Variants in PPP2R2B observed in about 807,000 individuals in gnomAD.
PPP2R2B encodes the protein serine/threonine-protein phosphatase 2A 55 kDa regulatory subunit B beta isoform.
In PPP2R2B, 5 loss-of-function variants were observed where a neutral mutation model predicts 46.0. That is an observed-to-expected ratio of 0.11 (90% CI 0.06 to 0.23). PPP2R2B has a LOEUF of 0.23. PPP2R2B is among the 10% of genes least tolerant of loss of function. PPP2R2B has a pLI of 1.00. For synonymous variants in PPP2R2B, 215 were observed against 206.7 expected, an observed-to-expected ratio of 1.04 and a Z score of -0.34; for missense variants, 367 against 575.0, an observed-to-expected ratio of 0.64 and a Z score of 3.70.
intron 5 of PPP2R2B, among the ~76,000 whole-genome samples, chr5:146,655,056 C>T (rs1776231160): frequency 6.6e-6 from 1 of 152,148 alleles, no homozygotes; most frequent in Admixed American, 6.5e-5. Flanking sequence ...GCGGTCAGTC[C>T]TTGGCCTGTC....
intron 2 of PPP2R2B, among the ~76,000 whole-genome samples, chr5:146,716,500 G>A (rs3853435): frequency 0.19 from 29,356 of 151,994 alleles, 2,951 homozygotes; most frequent in East Asian, 0.36. Flanking sequence ...AGGAGATCTC[G>A]GACATCTTTG....
intron 1 of PPP2R2B, among the ~76,000 whole-genome samples, chr5:147,018,678 G>A (rs1175232976): frequency 6.6e-6 from 1 of 152,160 alleles, no homozygotes; most frequent in Non-Finnish European, 1.5e-5. Flanking sequence ...CAGAGTTGGT[G>A]TTGTGTTAGT....
intron 2 of PPP2R2B, among the ~76,000 whole-genome samples, chr5:146,754,519 C>T (rs1303046083): frequency 6.6e-6 from 1 of 152,220 alleles, no homozygotes; most frequent in Non-Finnish European, 1.5e-5. Context: ...TTCTTCGATA[C>T]TCTTTCCCTT....
chr5:146,752,819 C>G (rs1486615271), intron 2 of PPP2R2B, among the ~76,000 whole-genome samples: 1 of 152,108 alleles, frequency 6.6e-6, no homozygotes, highest in African/African-American at 2.4e-5. Flanking sequence ...CCTGGCAGAG[C>G]CATAGTAAAT....
intron 2 of PPP2R2B, among the ~76,000 whole-genome samples, chr5:146,729,576 G>T (rs1313584937): frequency 6.6e-6 from 1 of 152,206 alleles, no homozygotes; most frequent in Non-Finnish European, 1.5e-5. Context: ...GGAAAAAGTG[G>T]TTTCCAGGAC....
At chr5:146,726,160 C>T (rs976157599) in intron 2 of PPP2R2B, among the ~76,000 whole-genome samples, 7 of 152,122 alleles carry the variant, frequency 4.6e-5, no homozygotes, top group African/African-American at 1.2e-4. Flanking sequence ...AAAAAGCAGG[C>T]ACCATCCTCT....
At chr5:146,706,630 C>A in intron 2 of PPP2R2B, 3 of 810,334 alleles carry the variant, frequency 3.7e-6, no homozygotes, top group Non-Finnish European at 2.1e-6. Context: ...GCGATGCCGG[C>A]CTCCAGGGAA....
At chr5:146,743,137 C>T (rs768846559) in intron 2 of PPP2R2B, among the ~76,000 whole-genome samples, 2 of 152,114 alleles carry the variant, frequency 1.3e-5, no homozygotes, top group African/African-American at 2.4e-5. Flanking sequence ...CAAACCAGGT[C>T]CTATGGTAAG....
At chr5:146,903,180 G>T (rs1392450727) in intron 1 of PPP2R2B, among the ~76,000 whole-genome samples, 2 of 152,056 alleles carry the variant, frequency 1.3e-5, no homozygotes, top group African/African-American at 4.8e-5. Context: ...TGCCATTGAT[G>T]TTAATATGTA....
chr5:147,040,570 C>A lies in PPP2R2B; in HGVS notation c.79+15095G>T, dbSNP rs78212353. On this transcript the variant is annotated intron_variant, in intron 1 of 8. Coordinates refer to the PPP2R2B transcript ENST00000336640. ...AACCAGTTCATAATAAATGACTGTC[C>A]CAAATCCCCCGCCCTGAGCTCAAAA... 1,188 of 285,920 alleles carry A rather than the reference C, an allele frequency of 4.2e-3. 5 individuals are homozygous for A. Among genetic ancestry groups the A allele is most frequent in the Non-Finnish European group, 7.2e-3 (1,011 of 140,322 alleles). The allele number at this position is 285,920 out of a possible 1,614,324, so 17.7% of individuals were successfully genotyped here. A position where few individuals can be genotyped will look rare whatever the true frequency, so the allele number is the denominator to read the frequency against.
intron 1 of PPP2R2B, among the ~76,000 whole-genome samples, chr5:146,934,771 T>C (rs929651341): frequency 2.6e-5 from 4 of 151,962 alleles, no homozygotes; most frequent in Non-Finnish European, 5.9e-5. Context: ...CTTTTTTTTT[T>C]TGATTGAAAG....
chr5:146,967,464 A>C (rs186652819), intron 1 of PPP2R2B, among the ~76,000 whole-genome samples: 35 of 152,344 alleles, frequency 2.3e-4, no homozygotes, highest in African/African-American at 7.9e-4. Flanking sequence ...AAATGAGGAC[A>C]CTGAGGGACA....
chr5:147,039,557 C>T (rs148990808), intron 1 of PPP2R2B, among the ~76,000 whole-genome samples: 5 of 152,300 alleles, frequency 3.3e-5, no homozygotes, highest in African/African-American at 1.2e-4. Flanking sequence ...CTGAGAAATA[C>T]TTACCAGTAA....
At chr5:146,590,405 T>G (rs1321315777) in intron 9 of PPP2R2B, among the ~76,000 whole-genome samples, 179 bp from the exon 10 acceptor site, 1 of 149,482 alleles carries the variant, frequency 6.7e-6, no homozygotes, top group African/African-American at 2.5e-5. Flanking sequence ...TGTGTTTTTT[T>G]TTTTTTTTTT....
intron 7 of PPP2R2B, among the ~76,000 whole-genome samples, chr5:146,637,756 T>G (rs1581766803): frequency 6.6e-6 from 1 of 152,220 alleles, no homozygotes; most frequent in African/African-American, 2.4e-5. Context: ...ATGGCTTTTA[T>G]GTTCTCAGCC....
At chr5:146,700,993 G>A (rs1016631868) in intron 3 of PPP2R2B, 52 bp downstream of exon 3, 2 of 1,445,524 alleles carry the variant, frequency 1.4e-6, no homozygotes, top group Non-Finnish European at 1.9e-6. Flanking sequence ...ACAGTAGGAG[G>A]CCTCCTTTAA....
chr5:147,037,048 A>G (rs1042242815), intron 1 of PPP2R2B, among the ~76,000 whole-genome samples: 1 of 152,174 alleles, frequency 6.6e-6, no homozygotes, highest in Non-Finnish European at 1.5e-5. Flanking sequence ...AGAGAGGTGA[A>G]GTAACTTTGC....
At chr5:146,592,224 TG>T (rs1201445168) in intron 9 of PPP2R2B, 1 of 386,082 alleles carries the variant, frequency 2.6e-6, no homozygotes, top group South Asian at 1.9e-5. Flanking sequence ...TTTGGATCAG[TG>T]GCAAAGAAAG....
At chr5:146,931,208 G>T (rs1315540515) in intron 1 of PPP2R2B, among the ~76,000 whole-genome samples, 2 of 152,152 alleles carry the variant, frequency 1.3e-5, no homozygotes, top group African/African-American at 2.4e-5. Context: ...ACATTGGCAA[G>T]TGGTAATGTG....
Sources: gnomAD v4.1 joint callset for allele counts (sites outside exome capture counted in the v4.1 genomes callset) on GRCh38, gnomAD v4.1.1 for gene constraint, MANE v1.5 for transcripts, NCBI Gene and HGNC (gene_info 2026-07-23, HGNC 2026-07-21) for gene names.